The following ADGRL2 variants were observed in gnomAD, a reference collection of about 807,000 sequenced individuals.
ADGRL2 encodes calcium-independent alpha-latrotoxin receptor 2.
ADGRL2 carries 44 observed loss-of-function variants against 157.4 expected under a neutral mutation model. The ratio of observed to expected loss-of-function variants is 0.28; its 90% confidence interval spans 0.22 to 0.36. The LOEUF (loss-of-function observed/expected upper bound fraction) is 0.36, where lower values mean the gene tolerates loss of function less well. ADGRL2 is among the 10% of genes least tolerant of loss of function. ADGRL2 has a pLI of 1.00. For synonymous variants in ADGRL2, 585 were observed against 624.7 expected (o/e 0.94, Z 0.95); for missense variants, 1,510 against 1,768.9 (o/e 0.85, Z 2.63).
At chr1:81,979,207 G>A (rs1660990667) in intron 17 of ADGRL2, among the ~76,000 whole-genome samples, 1 of 151,592 alleles carries the variant, frequency 6.6e-6, no homozygotes, top group Non-Finnish European at 1.5e-5. Context: ...TAGATTCTTT[G>A]CATAGCTGAA....
At chr1:81,768,880 A>C (rs2086241584) in intron 2 of ADGRL2, among the ~76,000 whole-genome samples, 2 of 152,102 alleles carry the variant, frequency 1.3e-5, no homozygotes, top group South Asian at 4.1e-4. Flanking sequence ...CAGGAGTTTG[A>C]GACTAGCCTG....
chr1:81,755,105 A>G (rs929111095), intron 1 of ADGRL2, among the ~76,000 whole-genome samples: 10 of 148,540 alleles, frequency 6.7e-5, no homozygotes, highest in African/African-American at 9.9e-5. Context: ...ATTAGGGCAC[A>G]TAAGTTCTCT....
At chr1:81,326,308 C>T (rs949949502) in intron 1 of ADGRL2, among the ~76,000 whole-genome samples, 5 of 152,186 alleles carry the variant, frequency 3.3e-5, no homozygotes, top group African/African-American at 1.2e-4. Flanking sequence ...GTACCTATCA[C>T]ATTAGAGTTC....
At chr1:81,714,671 T>TA (rs1332934829) in intron 1 of ADGRL2, among the ~76,000 whole-genome samples, 1 of 152,184 alleles carries the variant, frequency 6.6e-6, no homozygotes, top group Non-Finnish European at 1.5e-5. Flanking sequence ...ATGTGGTACT[T>TA]ACTATGTGCT....
rs191709551 is a variant in ADGRL2 at position 81,765,583 on chromosome 1, T to C, written c.-101+3731T>C. Among the ~76,000 whole-genome samples, 186 of 152,176 alleles carry C rather than the reference T, an allele frequency of 1.2e-3. 2 individuals are homozygous for C. The highest frequency in any genetic ancestry group is 4.3e-3 in the African/African-American group (179 of 41,588). ...AAATCTTCAGCATTCCAATTTTTTC[T>C]AAGATATTGATGAGAAAATAAAATA... On this transcript the variant is annotated intron_variant, in intron 2 of 20. Coordinates refer to the ADGRL2 transcript ENST00000359929.
intron 1 of ADGRL2, among the ~76,000 whole-genome samples, chr1:81,322,109 T>TATATATATATATATATATAC (rs71592379): frequency 1.5e-4 from 19 of 129,840 alleles, no homozygotes; most frequent in African/African-American, 5.4e-4. Flanking sequence ...TATATATATA[T>TATATATATATATATATATAC]ACACATATAT....
At chr1:81,414,025 T>C (rs2076993236) in intron 1 of ADGRL2, 2 of 152,168 alleles carry the variant, frequency 1.3e-5, no homozygotes, top group Non-Finnish European at 2.9e-5. Context: ...GCCAACATAA[T>C]CATTTAAAGC....
intron 2 of ADGRL2, among the ~76,000 whole-genome samples, chr1:81,851,734 TTGTGTGTGTG>T (rs5775643): frequency 3.4e-5 from 5 of 146,336 alleles, no homozygotes; most frequent in Non-Finnish European, 4.5e-5. Flanking sequence ...CCACTTAAAT[TTGTGTGTGTG>T]TGTGTGTGTG....
intron 2 of ADGRL2, among the ~76,000 whole-genome samples, chr1:81,790,209 T>C (rs2087264715): frequency 6.6e-6 from 1 of 152,106 alleles, no homozygotes; most frequent in Non-Finnish European, 1.5e-5. Context: ...ATAATTCACA[T>C]GCGTTACTTT....
At chr1:81,868,195 A>G (rs1389340096) in intron 2 of ADGRL2, among the ~76,000 whole-genome samples, 1 of 152,064 alleles carries the variant, frequency 6.6e-6, no homozygotes, top group Admixed American at 6.6e-5. Context: ...AATACTGTTG[A>G]AACAAAACTA....
At chr1:81,378,195 T>C (rs936009151) in intron 1 of ADGRL2, among the ~76,000 whole-genome samples, 22 of 147,458 alleles carry the variant, frequency 1.5e-4, no homozygotes, top group Non-Finnish European at 2.5e-4. Flanking sequence ...AAAAAAAGAA[T>C]GCCACAATGG....
At chr1:81,378,920 A>T (rs1238125383) in intron 1 of ADGRL2, among the ~76,000 whole-genome samples, 1 of 152,204 alleles carries the variant, frequency 6.6e-6, no homozygotes, top group African/African-American at 2.4e-5. Context: ...AGATGTTATT[A>T]CTATTTTTTA....
In ADGRL2 at chr1:81,427,129, T is replaced by C; in HGVS notation, c.-301-17907T>C. ...AGTCTGCTGGATCACAGAGAGATTG[T>C]GGAGGTGGATCCGGCAATTTTATGG... On this transcript the variant is annotated intron_variant, in intron 1 of 24. Coordinates refer to the ADGRL2 transcript ENST00000370721. 3.7e-6 allele frequency: 5 copies of C among 1,358,816 alleles called. No homozygotes were observed. The South Asian group carries it at 5.8e-5, about 16-fold the overall frequency. 84.2% of individuals were successfully genotyped at this position (1,358,816 alleles called of 1,614,324 possible).
chr1:81,361,892 T>C (rs903443455), intron 1 of ADGRL2, among the ~76,000 whole-genome samples: 1 of 151,810 alleles, frequency 6.6e-6, no homozygotes, highest in Non-Finnish European at 1.5e-5. Flanking sequence ...TAGATTTTTT[T>C]CCTCCCCCAT....
intron 3 of ADGRL2, among the ~76,000 whole-genome samples, chr1:81,623,779 G>C (rs1421531690): frequency 6.6e-6 from 1 of 151,756 alleles, no homozygotes; most frequent in Non-Finnish European, 1.5e-5. Context: ...TGGGATTACA[G>C]GCGTGCGCCA....
At chr1:81,745,688 A>G (rs1417853126) in intron 1 of ADGRL2, among the ~76,000 whole-genome samples, 2 of 152,200 alleles carry the variant, frequency 1.3e-5, no homozygotes, top group East Asian at 1.9e-4. Context: ...TTATGGATTT[A>G]TAAGGGGGGA....
intron 1 of ADGRL2, among the ~76,000 whole-genome samples, chr1:81,410,623 T>A (rs2076930713): frequency 6.6e-6 from 1 of 152,204 alleles, no homozygotes. Context: ...GCCTTAGCTG[T>A]AACAGTATTA....
chr1:81,938,913 C>A (rs2095348644), intron 4 of ADGRL2, among the ~76,000 whole-genome samples: 1 of 151,482 alleles, frequency 6.6e-6, no homozygotes, highest in African/African-American at 2.4e-5. Flanking sequence ...CTTTAGCTTT[C>A]ACTTTCTCCT....
intron 17 of ADGRL2, among the ~76,000 whole-genome samples, chr1:81,974,785 A>C (rs570302122): frequency 1.7e-4 from 26 of 152,200 alleles, no homozygotes; most frequent in Admixed American, 5.9e-4. Flanking sequence ...TTTCTTTCTT[A>C]AAATTTCTTT....
Sources: allele counts gnomAD v4.1 joint callset (sites outside exome capture counted in the v4.1 genomes callset), GRCh38; gene constraint gnomAD v4.1.1; transcripts MANE v1.5; gene names NCBI Gene and HGNC (gene_info 2026-07-23, HGNC 2026-07-21).